Variants in THSD7B observed in about 807,000 individuals in gnomAD.
THSD7B encodes the protein thrombospondin type-1 domain-containing protein 7B.
Under a neutral mutation model 213.6 loss-of-function variants are expected in THSD7B, and 138 were observed. That is an observed-to-expected ratio of 0.65 (90% CI 0.56 to 0.74). The LOEUF is 0.74. Among genes scored for constraint, THSD7B ranks in the 30% least tolerant of loss-of-function variants. The pLI, the probability that THSD7B is intolerant of heterozygous loss-of-function variation, is 0.00. For missense variants in THSD7B, 1,931 were observed against 1,991.5 expected, an observed-to-expected ratio of 0.97 and a Z score of 0.58; for synonymous variants, 742 against 687.0, an observed-to-expected ratio of 1.08 and a Z score of -1.25.
chr2:137,474,416 A>C (rs1347026626), intron 15 of THSD7B, among the ~76,000 whole-genome samples: 1 of 152,088 alleles, frequency 6.6e-6, no homozygotes, highest in Non-Finnish European at 1.5e-5. Flanking sequence ...TAGCTTTACC[A>C]GTGGCACTTT....
intron 7 of THSD7B, among the ~76,000 whole-genome samples, chr2:137,196,039 G>T (rs1680752495): frequency 1.3e-5 from 2 of 152,180 alleles, no homozygotes; most frequent in South Asian, 4.1e-4. Flanking sequence ...TCATAGAGAT[G>T]ACATCGTTGG....
intron 10 of THSD7B, among the ~76,000 whole-genome samples, chr2:137,243,789 C>T (rs1681965872): frequency 6.6e-6 from 1 of 152,154 alleles, no homozygotes; most frequent in Admixed American, 6.5e-5. Context: ...GGTGGAGTAC[C>T]AGCACAAAGT....
At chr2:137,528,905 G>A (rs899073004) in intron 15 of THSD7B, among the ~76,000 whole-genome samples, 2 of 151,996 alleles carry the variant, frequency 1.3e-5, no homozygotes, top group Admixed American at 6.6e-5. Context: ...CTGGTGCTTC[G>A]CAGACTCATC....
rs1683666240 is a variant in THSD7B at position 137,303,705 on chromosome 2, TA to T, written c.2500+27680del. Among the ~76,000 whole-genome samples the T allele has an allele frequency of 2.2e-5, 3 of 137,476 alleles. 1 individual carries two copies. The highest frequency in any genetic ancestry group is 2.3e-4 in the South Asian group (1 of 4,400). 90.2% of individuals were successfully genotyped at this position (137,476 alleles called of 152,430 possible). A position where few individuals can be genotyped will look rare whatever the true frequency, so the allele number is the denominator to read the frequency against. On this transcript the variant is annotated intron_variant, in intron 12 of 27. Coordinates refer to ENST00000409968, the MANE Select transcript of THSD7B (RefSeq NM_001316349.2). The stretch of plus-strand genomic sequence containing the variant: ...ATATTTATATATATTTATATATATT[TA>T]TATATATATTTATATATATATTTAT...
intron 15 of THSD7B, among the ~76,000 whole-genome samples, chr2:137,543,266 C>CT (rs929281743): frequency 3.4e-4 from 51 of 151,704 alleles, no homozygotes; most frequent in South Asian, 1.5e-3. Context: ...TACGCAAAGT[C>CT]TTTTTTTTGC....
intron 15 of THSD7B, among the ~76,000 whole-genome samples, chr2:137,536,663 T>C (rs1279695902): frequency 6.6e-6 from 1 of 151,172 alleles, no homozygotes; most frequent in African/African-American, 2.4e-5. Context: ...TAAGTAATTA[T>C]AATAACAAGA....
intron 12 of THSD7B, among the ~76,000 whole-genome samples, chr2:137,342,034 A>G (rs1390809674): frequency 2.0e-5 from 3 of 151,610 alleles, no homozygotes; most frequent in South Asian, 2.1e-4. Context: ...ATGAAATGAC[A>G]TTGACATTTT....
chr2:137,371,278 TG>T (rs1483894863), intron 12 of THSD7B, among the ~76,000 whole-genome samples: 1 of 152,170 alleles, frequency 6.6e-6, no homozygotes, highest in African/African-American at 2.4e-5. Flanking sequence ...TGAGAAAGGA[TG>T]TGGAGGTAAA....
chr2:137,534,129 C>T (rs1330193325), intron 15 of THSD7B, among the ~76,000 whole-genome samples: 1 of 151,320 alleles, frequency 6.6e-6, no homozygotes, highest in African/African-American at 2.4e-5. Flanking sequence ...TTTCCCTAAT[C>T]TTTCCATTTC....
chr2:136,855,426 C>T (rs1390246186), intron 1 of THSD7B, among the ~76,000 whole-genome samples: 2 of 151,392 alleles, frequency 1.3e-5, no homozygotes, highest in Non-Finnish European at 2.9e-5. Context: ...TTCCCTTCTT[C>T]TTCTCTCTCT....
intron 4 of THSD7B, among the ~76,000 whole-genome samples, chr2:137,097,779 C>CACACAT (rs1218849255): frequency 8.8e-6 from 1 of 113,646 alleles, no homozygotes; most frequent in African/African-American, 4.2e-5. Flanking sequence ...GACACACACA[C>CACACAT]ACACACACAC....
rs1200534963 is a variant in THSD7B at position 137,643,545 on chromosome 2, A to C, written c.3945+912A>C. Among the ~76,000 whole-genome samples the C allele has an allele frequency of 2.6e-5, 4 of 152,362 alleles. No homozygotes were observed. In the South Asian group the frequency reaches 8.3e-4, roughly 32 times the overall value. ...AGAAAATAAGATAACCATGCTAATT[A>C]ACCAATTCAGAAGTAACTTAATAGC... On this transcript the variant is annotated intron_variant, in intron 21 of 27. Transcript: ENST00000409968.
chr2:137,040,519 G>A (rs768377638), intron 2 of THSD7B, among the ~76,000 whole-genome samples: 5 of 151,398 alleles, frequency 3.3e-5, no homozygotes, highest in Admixed American at 2.0e-4. Context: ...TCAGCCTCCC[G>A]AGTAGCTGGG....
In THSD7B at chr2:137,361,589, C is replaced by T. The variant is rs373040148; in HGVS notation, c.2501-44024C>T. 7.5e-4 allele frequency among the ~76,000 whole-genome samples: 114 copies of T among 152,166 alleles called. 3 individuals carry two copies. In the South Asian group the frequency reaches 0.022, roughly 30 times the overall value. On this transcript the variant is annotated intron_variant, in intron 12 of 27. Transcript: ENST00000409968. ...GCACGAGAACTACATGATGCATGCA[C>T]AAGCTTCAGTAGCTGATTTGATCAA...
chr2:137,345,984 G>A (rs1684867178), intron 12 of THSD7B, among the ~76,000 whole-genome samples: 1 of 151,574 alleles, frequency 6.6e-6, no homozygotes, highest in Non-Finnish European at 1.5e-5. Flanking sequence ...GAATAGGGGA[G>A]GGAGCTTGCC....
intron 4 of THSD7B, among the ~76,000 whole-genome samples, chr2:137,096,906 C>T (rs543642569): frequency 6.6e-6 from 1 of 152,136 alleles, no homozygotes; most frequent in Non-Finnish European, 1.5e-5. Flanking sequence ...ACATAGGTGG[C>T]GCTGCAAGAA....
At chr2:137,343,501 A>G (rs1055121866) in intron 12 of THSD7B, among the ~76,000 whole-genome samples, 2 of 151,782 alleles carry the variant, frequency 1.3e-5, no homozygotes, top group African/African-American at 4.8e-5. Flanking sequence ...TTCAGTAATT[A>G]AAGTATTAGC....
intron 7 of THSD7B, among the ~76,000 whole-genome samples, chr2:137,227,774 T>A (rs902541511): frequency 2.6e-5 from 4 of 152,162 alleles, no homozygotes. Flanking sequence ...ATGAAACTGT[T>A]AATTGTCATT....
At chr2:137,088,541 G>T (rs1244080493) in intron 3 of THSD7B, among the ~76,000 whole-genome samples, 1 of 151,320 alleles carries the variant, frequency 6.6e-6, no homozygotes, top group Non-Finnish European at 1.5e-5. Context: ...AGATAACATT[G>T]GAAAAACCCT....
Sources: gnomAD v4.1 joint callset for allele counts (sites outside exome capture counted in the v4.1 genomes callset) on GRCh38, gnomAD v4.1.1 for gene constraint, MANE v1.5 for transcripts, NCBI Gene and HGNC (gene_info 2026-07-23, HGNC 2026-07-21) for gene names.